Variants in CRB1 observed in about 807,000 individuals in gnomAD.
The protein encoded by CRB1 is protein crumbs homolog 1.
A neutral mutation model predicts 120.0 loss-of-function variants in CRB1; 83 were observed. The ratio of observed to expected loss-of-function variants is 0.69; its 90% CI spans 0.58 to 0.83. The LOEUF is 0.83. Ranked by LOEUF, CRB1 falls within the 40% of genes least tolerant of loss-of-function variation. CRB1 has a pLI of 0.00. For synonymous variants in CRB1, 625 were observed against 612.5 expected (o/e 1.02, Z -0.30); for missense variants, 1,699 against 1,687.6 (o/e 1.01, Z -0.12).
chr1:197,265,359 TTCC>T (rs529438726), upstream of CRB1, among the ~76,000 whole-genome samples: 21 of 151,834 alleles, frequency 1.4e-4, no homozygotes, highest in Non-Finnish European at 2.8e-4. Flanking sequence ...TTGTCCTTTC[TTCC>T]TTCCTTTTGT....
the CRB1 span, among the ~76,000 whole-genome samples, chr1:197,223,561 G>A: frequency 1.3e-5 from 2 of 152,074 alleles, no homozygotes; most frequent in African/African-American, 2.4e-5. Flanking sequence ...AGAATAGCTT[G>A]TGTTATTTAT....
intron 1 of CRB1, among the ~76,000 whole-genome samples, chr1:197,299,318 A>G (rs1656729189): frequency 6.6e-6 from 1 of 152,200 alleles, no homozygotes. Context: ...TTGCATCTAG[A>G]TTGGTAAAAA....
the CRB1 span, among the ~76,000 whole-genome samples, chr1:197,248,011 T>G: frequency 6.6e-6 from 1 of 152,034 alleles, no homozygotes; most frequent in South Asian, 2.1e-4. Flanking sequence ...ATGTTTCCAT[T>G]TAAAAATATT....
At chr1:197,215,278 T>A in the CRB1 span, among the ~76,000 whole-genome samples, 3 of 143,412 alleles carry the variant, frequency 2.1e-5, no homozygotes, top group Admixed American at 2.1e-4. Flanking sequence ...GTGGGAGATT[T>A]TTTTTTTTTT....
At chr1:197,244,119 T>C in the CRB1 span, among the ~76,000 whole-genome samples, 198 of 152,334 alleles carry the variant, frequency 1.3e-3, no homozygotes, top group African/African-American at 4.2e-3. Flanking sequence ...GGGTCTTGAC[T>C]CTTTATCCAA....
chr1:197,427,524 T>C lies in CRB1; in HGVS notation c.2199T>C (p.Tyr733=), dbSNP rs749263174. The part of the protein sequence containing the change: ...GYVIFTLDES[Y]GDTISLSMFV... ...TCATCTTTACTCTTGATGAGAGCTATGGAGACACCATCAGCCTCTCCATGT... is the reference window on the plus strand; with the variant it reads ...TCATCTTTACTCTTGATGAGAGCTACGGAGACACCATCAGCCTCTCCATGT... Residue 733 remains tyrosine, a synonymous_variant, in exon 7 of 12, where the codon TAT becomes TAC. Coordinates refer to ENST00000367400, the MANE Select transcript of CRB1 (RefSeq NM_201253.3). The C allele has an allele frequency of 2.0e-5, 33 of 1,613,986 alleles. No homozygotes were observed. The highest frequency in any genetic ancestry group is 2.7e-5 in the Non-Finnish European group (32 of 1,179,976).
intron 9 of CRB1, among the ~76,000 whole-genome samples, chr1:197,436,822 T>G (rs1485424704): frequency 6.6e-6 from 1 of 152,144 alleles, no homozygotes; most frequent in Non-Finnish European, 1.5e-5. Flanking sequence ...CACAGACCAC[T>G]GCAAAAGTGG....
the CRB1 span, among the ~76,000 whole-genome samples, chr1:197,224,698 C>A: frequency 7.2e-5 from 11 of 152,036 alleles, no homozygotes; most frequent in African/African-American, 2.7e-4. Flanking sequence ...AAAATATATA[C>A]TAATAATTCA....
chr1:197,233,545 C>T, the CRB1 span, among the ~76,000 whole-genome samples: 2 of 152,178 alleles, frequency 1.3e-5, no homozygotes, highest in South Asian at 4.1e-4. Flanking sequence ...ATAGCATGAC[C>T]CAGGCTCCCA....
chr1:197,315,283 A>G (rs1657773760), intron 1 of CRB1, among the ~76,000 whole-genome samples: 1 of 152,182 alleles, frequency 6.6e-6, no homozygotes, highest in South Asian at 2.1e-4. Flanking sequence ...TTGGTTTCAC[A>G]AAAGGCATCA....
At chr1:197,403,259 C>T (rs1663160061) in intron 5 of CRB1, among the ~76,000 whole-genome samples, 1 of 152,202 alleles carries the variant, frequency 6.6e-6, no homozygotes. Context: ...TTTACCTCTT[C>T]ATAAAAGAAC....
chr1:197,359,995 G>A (rs1001427246), intron 5 of CRB1, among the ~76,000 whole-genome samples: 16 of 152,044 alleles, frequency 1.1e-4, no homozygotes, highest in Admixed American at 7.2e-4. Flanking sequence ...GACCCTGGGC[G>A]TTTTTTGTGA....
At chr1:197,292,665 A>G (rs1319757371) in intron 1 of CRB1, among the ~76,000 whole-genome samples, 1 of 152,162 alleles carries the variant, frequency 6.6e-6, no homozygotes, top group Admixed American at 6.5e-5. Flanking sequence ...TCCTCAATAA[A>G]ATACTGGCAA....
At position 197,300,503 on chromosome 1, in the gene CRB1, T is replaced by G. The variant is rs537823210; in HGVS notation, c.71-27919T>G. Among the ~76,000 whole-genome samples the G allele has an allele frequency of 4.2e-4, 64 of 150,872 alleles. No homozygotes were observed. In the South Asian group the frequency reaches 0.013, roughly 30 times the overall value. On this transcript the variant is annotated intron_variant, in intron 1 of 11. Coordinates refer to ENST00000367400, the MANE Select transcript of CRB1 (RefSeq NM_201253.3). ...GAGCAAAGCCCCTACTCTCCTCAAT[T>G]CTATGAAGGCTGAGAGAAATAAGGA...
the CRB1 span, among the ~76,000 whole-genome samples, chr1:197,236,360 C>T: frequency 6.6e-6 from 1 of 152,026 alleles, no homozygotes; most frequent in African/African-American, 2.4e-5. Flanking sequence ...CCACCATGCT[C>T]AGCTAATTTT....
chr1:197,394,024 A>G (rs1662644576), intron 5 of CRB1, among the ~76,000 whole-genome samples: 1 of 152,128 alleles, frequency 6.6e-6, no homozygotes, highest in African/African-American at 2.4e-5. Flanking sequence ...GGGTGGCACT[A>G]TATATAGTTG....
chr1:197,204,452 A>AT, the CRB1 span, among the ~76,000 whole-genome samples: 6 of 151,872 alleles, frequency 4.0e-5, no homozygotes, highest in South Asian at 2.1e-4. Flanking sequence ...TTATTTTTTG[A>AT]TTTTTTTATT....
chr1:197,447,128 T>C (rs1300056336), intron 11 of CRB1, among the ~76,000 whole-genome samples: 1 of 152,196 alleles, frequency 6.6e-6, no homozygotes, highest in African/African-American at 2.4e-5. Flanking sequence ...GGTCCTCTGC[T>C]CAGGGTCTCA....
chr1:197,407,304 C>T (rs1018952775), intron 5 of CRB1, among the ~76,000 whole-genome samples: 7 of 152,104 alleles, frequency 4.6e-5, no homozygotes, highest in African/African-American at 1.2e-4. Flanking sequence ...TTAGAGATTT[C>T]GGGTTTTGGC....
Sources: allele counts gnomAD v4.1 joint callset (sites outside exome capture counted in the v4.1 genomes callset), GRCh38; gene constraint gnomAD v4.1.1; transcripts MANE v1.5; gene names NCBI Gene and HGNC (gene_info 2026-07-23, HGNC 2026-07-21).